The following ARHGAP31 variants were observed in gnomAD, a reference collection of about 807,000 sequenced individuals.
ARHGAP31 encodes the protein rho GTPase-activating protein 31.
ARHGAP31 carries 34 observed loss-of-function variants against 113.9 expected under a neutral mutation model. The observed-to-expected ratio is 0.30, with a 90% CI of 0.23 to 0.40. The LOEUF (loss-of-function observed/expected upper bound fraction) is 0.40, where lower values mean the gene tolerates loss of function less well. ARHGAP31 is among the 10% of genes least tolerant of loss of function. The pLI is 1.00. For missense variants in ARHGAP31, 1,548 were observed against 1,767.1 expected (o/e 0.88, Z 2.22); for synonymous variants, 650 against 684.8 (o/e 0.95, Z 0.79).
At chr3:119,355,470 CTT>C (rs199687105) in intron 1 of ARHGAP31, among the ~76,000 whole-genome samples, 6 of 137,642 alleles carry the variant, frequency 4.4e-5, no homozygotes, top group African/African-American at 7.9e-5. Flanking sequence ...CTTCTGTTTT[CTT>C]TTTTTTTTTT....
chr3:119,326,614 A>G (rs2079846544), intron 1 of ARHGAP31, among the ~76,000 whole-genome samples: 1 of 152,172 alleles, frequency 6.6e-6, no homozygotes, highest in Non-Finnish European at 1.5e-5. Flanking sequence ...TGATCTTCCA[A>G]ATTTAGCACT....
At chr3:119,379,279 G>A (rs556006318) in intron 3 of ARHGAP31, among the ~76,000 whole-genome samples, 82 of 152,254 alleles carry the variant, frequency 5.4e-4, no homozygotes, top group African/African-American at 2.0e-3. Context: ...TAGTGTAATG[G>A]CAGTGAGTCC....
intron 9 of ARHGAP31, among the ~76,000 whole-genome samples, chr3:119,399,937 C>T (rs2080585153): frequency 6.6e-6 from 1 of 152,170 alleles, no homozygotes; most frequent in Non-Finnish European, 1.5e-5. Context: ...GCCTGTATCT[C>T]TCTCTTCTAT....
chr3:119,410,508 G>A (rs1162568624), intron 11 of ARHGAP31, among the ~76,000 whole-genome samples: 1 of 152,206 alleles, frequency 6.6e-6, no homozygotes, highest in Non-Finnish European at 1.5e-5. Context: ...GGGAGTTAGG[G>A]CAGAGTGGAG....
intron 1 of ARHGAP31, among the ~76,000 whole-genome samples, chr3:119,364,095 C>G (rs564311449): frequency 6.6e-6 from 1 of 151,970 alleles, no homozygotes; most frequent in Non-Finnish European, 1.5e-5. Flanking sequence ...GTCAGCCGCC[C>G]GGAGAGAACA....
At position 119,409,564 on chromosome 3, in the gene ARHGAP31, T is replaced by C; in HGVS notation, c.1714T>C (p.Cys572Arg). 1 of 1,614,142 alleles carries C rather than the reference T, an allele frequency of 6.2e-7. No homozygotes were observed. Among genetic ancestry groups the C allele is most frequent in the South Asian group, 1.1e-5 (1 of 91,074 alleles). The change falls in exon 11 of 12, where the codon TGC becomes CGC. Residue 572 changes from cysteine to arginine, a missense_variant. Cys to Arg is a radical substitution (Grantham distance 180, BLOSUM62 -3). Coordinates refer to ENST00000264245, the MANE Select transcript of ARHGAP31 (RefSeq NM_020754.4). ...AVPEAPGTVECSKGLSQEPGA... is the reference protein window; with the variant it reads ...AVPEAPGTVERSKGLSQEPGA... ...ACCTGAAGCACCGGGGACAGTGGAATGCAGCAAAGGCCTGTCCCAGGAGCC... is the reference window on the plus strand; with the variant it reads ...ACCTGAAGCACCGGGGACAGTGGAACGCAGCAAAGGCCTGTCCCAGGAGCC...
Position 119,418,423 on chromosome 3 carries a change from C to T in ARHGAP31, c.*2159C>T, listed in dbSNP as rs1008333749. On this transcript the variant is annotated 3_prime_UTR_variant, in exon 12 of 12. Transcript: ENST00000264245. ...TGTGTCAGACAGGTTTTATGTCAGC[C>T]TCAGTGCTCCTGCGGTGTCGACGCT... The T allele has an allele frequency of 2.0e-5, 3 of 152,206 alleles. No individual in the cohort carries two copies. Among genetic ancestry groups the T allele is most frequent in the Non-Finnish European group, 4.4e-5 (3 of 68,040 alleles). The allele number at this position is 152,206 out of a possible 1,614,324, so 9.4% of individuals were successfully genotyped here.
intron 1 of ARHGAP31, among the ~76,000 whole-genome samples, chr3:119,301,227 T>G (rs1394125394): frequency 2.0e-5 from 3 of 152,240 alleles, no homozygotes; most frequent in Middle Eastern, 3.4e-3. Flanking sequence ...TCCTCCCCTT[T>G]CTACCCGCAC....
rs1009912144 is a variant in ARHGAP31 at position 119,325,674 on chromosome 3, G to A, written c.100+30670G>A. Among the ~76,000 whole-genome samples, 9 of 144,810 alleles carry A rather than the reference G, an allele frequency of 6.2e-5. No individual in the cohort carries two copies. The South Asian group carries it at 1.4e-3, about 23-fold the overall frequency. On this transcript the variant is annotated intron_variant, in intron 1 of 11. Transcript: ENST00000264245. Reference sequence around the variant, plus strand: ...GGCGGGGGTTGGGGGGGAAGGGGGGGACGGAAATGACTTAGCCTGAAGGCA... The same window carrying A: ...GGCGGGGGTTGGGGGGGAAGGGGGGAACGGAAATGACTTAGCCTGAAGGCA...
intron 1 of ARHGAP31, among the ~76,000 whole-genome samples, chr3:119,300,198 A>T (rs914200437): frequency 6.6e-6 from 1 of 152,216 alleles, no homozygotes; most frequent in Non-Finnish European, 1.5e-5. Context: ...AATAAGATTG[A>T]TACGAAAATA....
At chr3:119,394,881 A>G (rs1338125502) in intron 8 of ARHGAP31, among the ~76,000 whole-genome samples, 1 of 152,210 alleles carries the variant, frequency 6.6e-6, no homozygotes, top group African/African-American at 2.4e-5. Context: ...ATATTAAGGA[A>G]TTATAAATTT....
chr3:119,337,147 A>AATGAAGCCGC (rs1172127869), intron 1 of ARHGAP31, among the ~76,000 whole-genome samples: 1 of 152,184 alleles, frequency 6.6e-6, no homozygotes, highest in Non-Finnish European at 1.5e-5. Context: ...TCACTTCAAG[A>AATGAAGCCGC]ATGAAGCCGC....
At chr3:119,355,621 G>T (rs2080148453) in intron 1 of ARHGAP31, among the ~76,000 whole-genome samples, 1 of 152,072 alleles carries the variant, frequency 6.6e-6, no homozygotes, top group Non-Finnish European at 1.5e-5. Flanking sequence ...TATCTCTAAT[G>T]CTATCCCTCC....
intron 1 of ARHGAP31, among the ~76,000 whole-genome samples, chr3:119,296,348 T>C (rs759770122): frequency 7.0e-4 from 107 of 152,366 alleles, no homozygotes; most frequent in Admixed American, 2.7e-3. Flanking sequence ...CATTGAATCC[T>C]CACCAACCAT....
rs148721439 is a variant in ARHGAP31, at chr3:119,390,114, G to C, written c.683-671G>C. Among the ~76,000 whole-genome samples the C allele has an allele frequency of 2.3e-3, 351 of 152,076 alleles. 1 individual carries two copies. The highest frequency in any genetic ancestry group is 8.0e-3 in the African/African-American group (330 of 41,468). ...TGACTTGGAGAAAAGAGATAATCCT[G>C]TGCATCAGCGATTGTCATCATCACT... On this transcript the variant is annotated intron_variant, in intron 6 of 11. Transcript: ENST00000264245.
At chr3:119,373,400 T>C (rs2080319685) in intron 3 of ARHGAP31, among the ~76,000 whole-genome samples, 1 of 151,994 alleles carries the variant, frequency 6.6e-6, no homozygotes, top group South Asian at 2.1e-4. Flanking sequence ...TTTAATGTTA[T>C]CATTTCACAC....
rs577334993 is a variant in ARHGAP31 at position 119,315,589 on chromosome 3, G to A, written c.100+20585G>A. Among the ~76,000 whole-genome samples, 9 of 152,282 alleles carry A rather than the reference G, an allele frequency of 5.9e-5. No individual in the cohort carries two copies. In the East Asian group the frequency reaches 1.5e-3, roughly 26 times the overall value. On this transcript the variant is annotated intron_variant, in intron 1 of 11. Coordinates refer to ENST00000264245, the MANE Select transcript of ARHGAP31 (RefSeq NM_020754.4). Reference sequence around the variant, plus strand: ...CCCCGCTGCCACCTCTTAAGGCCTCGCTAAGACATCAGGCTGACCCACAGT... The same window carrying A: ...CCCCGCTGCCACCTCTTAAGGCCTCACTAAGACATCAGGCTGACCCACAGT...
chr3:119,395,583 C>G (rs1270424451), intron 8 of ARHGAP31, among the ~76,000 whole-genome samples: 1 of 152,132 alleles, frequency 6.6e-6, no homozygotes, highest in African/African-American at 2.4e-5. Context: ...TGGTAGCTTG[C>G]TCCTAAGAGC....
At chr3:119,312,839 G>A (rs2079694827) in intron 1 of ARHGAP31, among the ~76,000 whole-genome samples, 1 of 152,136 alleles carries the variant, frequency 6.6e-6, no homozygotes. Context: ...GTGCTACCCA[G>A]GAACTAAAAT....
Sources: gnomAD v4.1 joint callset for allele counts (sites outside exome capture counted in the v4.1 genomes callset) on GRCh38, gnomAD v4.1.1 for gene constraint, MANE v1.5 for transcripts, NCBI Gene and HGNC (gene_info 2026-07-23, HGNC 2026-07-21) for gene names.